The following CFAP299 variants were observed in gnomAD, a reference collection of about 807,000 sequenced individuals.
CFAP299 encodes cilia and flagella associated protein 299.
A neutral mutation model predicts 27.0 loss-of-function variants in CFAP299; 21 were observed. That is an observed-to-expected ratio of 0.78 (90% CI 0.55 to 1.12). The LOEUF (loss-of-function observed/expected upper bound fraction) is 1.12, where lower values mean the gene tolerates loss of function less well. Ranked by LOEUF, CFAP299 falls within the 50% of genes most tolerant of loss-of-function variation. The pLI, the probability that CFAP299 is intolerant of heterozygous loss-of-function variation, is 0.00. For missense variants in CFAP299, 310 were observed against 276.6 expected (o/e 1.12, Z -0.86); for synonymous variants, 104 against 98.1 (o/e 1.06, Z -0.36).
intron 3 of CFAP299, among the ~76,000 whole-genome samples, chr4:80,605,050 G>C (rs1354662935): frequency 6.6e-6 from 1 of 152,086 alleles, no homozygotes; most frequent in Non-Finnish European, 1.5e-5. Flanking sequence ...GTGAAAATGG[G>C]GGCTCACAAG....
chr4:80,908,885 CA>C (rs1735318355), intron 4 of CFAP299, among the ~76,000 whole-genome samples: 1 of 151,944 alleles, frequency 6.6e-6, no homozygotes, highest in Non-Finnish European at 1.5e-5. Context: ...ACATGTTAAA[CA>C]CACACACATA....
At chr4:80,859,971 G>A (rs1732209073) in intron 3 of CFAP299, among the ~76,000 whole-genome samples, 1 of 152,050 alleles carries the variant, frequency 6.6e-6, no homozygotes, top group African/African-American at 2.4e-5. Context: ...TTGCTAGATT[G>A]GGGAAGTTCT....
chr4:80,527,998 C>T (rs1733274016), intron 2 of CFAP299, among the ~76,000 whole-genome samples: 1 of 152,102 alleles, frequency 6.6e-6, no homozygotes, highest in South Asian at 2.1e-4. Context: ...GTCCTGTTTC[C>T]TGACTCAGAG....
intron 3 of CFAP299, among the ~76,000 whole-genome samples, chr4:80,811,399 A>G (rs2110116999): frequency 6.6e-6 from 1 of 152,288 alleles, no homozygotes; most frequent in Admixed American, 6.6e-5. Flanking sequence ...ATTAGATGAA[A>G]GTGTTTATAT....
chr4:80,582,663 A>T (rs1736230925), intron 2 of CFAP299, among the ~76,000 whole-genome samples: 1 of 151,842 alleles, frequency 6.6e-6, no homozygotes, highest in Admixed American at 6.6e-5. Flanking sequence ...ATCTCTACTC[A>T]TAGAGCTAAA....
chr4:80,784,239 C>T lies in CFAP299; in HGVS notation c.334-85754C>T, dbSNP rs1254726135. On this transcript the variant is annotated intron_variant, in intron 3 of 5. Transcript: ENST00000358105. ...AAAAATATAGTCCTTTGTGTATATA[C>T]CCAGAGGAAGGATTGCTGGGTCATA... Among the ~76,000 whole-genome samples the T allele has an allele frequency of 7.9e-5, 12 of 152,142 alleles. No individual in the cohort carries two copies. In the East Asian group the frequency reaches 2.3e-3, roughly 29 times the overall value.
chr4:80,861,629 T>A (rs1050091311), intron 3 of CFAP299, among the ~76,000 whole-genome samples: 58 of 152,210 alleles, frequency 3.8e-4, no homozygotes, highest in Admixed American at 7.2e-4. Flanking sequence ...TACCCACTTG[T>A]GTTTTGCTTA....
At position 80,857,342 on chromosome 4, in the gene CFAP299, C is replaced by T. The variant is rs1731977941; in HGVS notation, c.334-12651C>T. ...GGTTTTCTAGATTTTACAATCATGTCATCTGCAAACAGGGACAATTTGACT... is the reference window on the plus strand; with the variant it reads ...GGTTTTCTAGATTTTACAATCATGTTATCTGCAAACAGGGACAATTTGACT... On this transcript the variant is annotated intron_variant, in intron 3 of 5. Transcript: ENST00000358105. 2.0e-5 allele frequency among the ~76,000 whole-genome samples: 3 copies of T among 152,310 alleles called. No homozygotes were observed. In the South Asian group the frequency reaches 6.2e-4, roughly 32 times the overall value.
At chr4:80,908,927 C>A (rs1262649711) in intron 4 of CFAP299, among the ~76,000 whole-genome samples, 1 of 152,076 alleles carries the variant, frequency 6.6e-6, no homozygotes, top group African/African-American at 2.4e-5. Context: ...CACATACACA[C>A]ACATTCTACC....
chr4:80,824,641 T>C (rs927546843), intron 3 of CFAP299, among the ~76,000 whole-genome samples: 1 of 152,114 alleles, frequency 6.6e-6, no homozygotes, highest in African/African-American at 2.4e-5. Context: ...AGAAAGTCAC[T>C]GCACATGGTC....
At chr4:80,405,752 A>G (rs1033224596) in intron 2 of CFAP299, among the ~76,000 whole-genome samples, 14 of 152,152 alleles carry the variant, frequency 9.2e-5, no homozygotes, top group Non-Finnish European at 2.1e-4. Context: ...CCGGCATACA[A>G]TTTATACAAG....
intron 2 of CFAP299, among the ~76,000 whole-genome samples, chr4:80,491,217 AT>A (rs1314986838): frequency 1.3e-5 from 2 of 151,636 alleles, no homozygotes; most frequent in African/African-American, 4.9e-5. Context: ...CTTTTAAAAC[AT>A]TATAAGGATA....
At chr4:80,415,663 T>C (rs1050084525) in intron 2 of CFAP299, among the ~76,000 whole-genome samples, 3 of 152,160 alleles carry the variant, frequency 2.0e-5, no homozygotes, top group Admixed American at 6.5e-5. Flanking sequence ...TATAATTTCA[T>C]CAATAGATAT....
intron 3 of CFAP299, among the ~76,000 whole-genome samples, chr4:80,775,729 T>A (rs1726498170): frequency 6.6e-6 from 1 of 152,134 alleles, no homozygotes; most frequent in Non-Finnish European, 1.5e-5. Context: ...TGGAGAATAT[T>A]TTCGAAAAAC....
At chr4:80,655,490 C>T (rs1740508732) in intron 3 of CFAP299, among the ~76,000 whole-genome samples, 1 of 152,072 alleles carries the variant, frequency 6.6e-6, no homozygotes, top group South Asian at 2.1e-4. Flanking sequence ...GTAAGTGGGT[C>T]CTGCAGCTGT....
At chr4:80,846,185 A>G (rs1037708679) in intron 3 of CFAP299, among the ~76,000 whole-genome samples, 6 of 152,184 alleles carry the variant, frequency 3.9e-5, no homozygotes, top group African/African-American at 1.4e-4. Flanking sequence ...GAATTAGGTA[A>G]GAAATGAGTT....
intron 3 of CFAP299, among the ~76,000 whole-genome samples, chr4:80,862,380 GTAAA>G (rs879769975): frequency 9.9e-5 from 15 of 151,584 alleles, no homozygotes; most frequent in East Asian, 5.8e-4. Context: ...GAAAAATATA[GTAAA>G]TAAATAAATA....
chr4:80,608,528 T>G, intron 3 of CFAP299: 2 of 525,182 alleles, frequency 3.8e-6, no homozygotes, highest in Middle Eastern at 3.1e-4. Context: ...CAAGTAGTGC[T>G]TTTATTGCAA....
chr4:80,855,328 A>C (rs1249165911), intron 3 of CFAP299, among the ~76,000 whole-genome samples: 1 of 152,060 alleles, frequency 6.6e-6, no homozygotes, highest in African/African-American at 2.4e-5. Context: ...ATTTTGTCTA[A>C]TAGTGCAAGT....
Sources: allele counts gnomAD v4.1 joint callset (sites outside exome capture counted in the v4.1 genomes callset), GRCh38; gene constraint gnomAD v4.1.1; transcripts MANE v1.5; gene names NCBI Gene and HGNC (gene_info 2026-07-23, HGNC 2026-07-21).